SH3BP2: variants seen among roughly 807,000 people sequenced by gnomAD.
SH3BP2 encodes SH3 domain binding protein 2, also known as SH3 domain-binding protein 2.
In SH3BP2, 38 loss-of-function variants were observed where a neutral mutation model predicts 56.2. The ratio of observed to expected loss-of-function variants is 0.68; its 90% CI spans 0.52 to 0.89. The LOEUF is 0.89. Among genes scored for constraint, SH3BP2 ranks in the 40% least tolerant of loss-of-function variants. The pLI is 0.00. For missense variants in SH3BP2, 748 were observed against 762.6 expected, an observed-to-expected ratio of 0.98 and a Z score of 0.23; for synonymous variants, 346 against 316.7, an observed-to-expected ratio of 1.09 and a Z score of -0.98.
intron 1 of SH3BP2, among the ~76,000 whole-genome samples, chr4:2,805,229 G>A (rs1723483105): frequency 6.6e-6 from 1 of 152,220 alleles, no homozygotes; most frequent in African/African-American, 2.4e-5. Flanking sequence ...CAGCAGCCAG[G>A]CTGGTGTGGG....
In SH3BP2 at chr4:2,833,875, G is replaced by T. The variant is rs1725138858; in HGVS notation, c.*41G>T. ...CTGCCAGGCCAAGGCAGTCACAGGG[G>T]CCCTGACCCCAGGCCACACAGACGG... On this transcript the variant is annotated 3_prime_UTR_variant, in exon 13 of 13. Coordinates refer to ENST00000503393, the MANE Select transcript of SH3BP2 (RefSeq NM_001122681.2). 1 of 1,531,958 alleles carries T rather than the reference G, an allele frequency of 6.5e-7. No homozygotes were observed. Among genetic ancestry groups the T allele is most frequent in the South Asian group, 1.2e-5 (1 of 83,826 alleles). 94.9% of individuals were successfully genotyped at this position (1,531,958 alleles called of 1,614,324 possible). A position where few individuals can be genotyped will look rare whatever the true frequency, so the allele number is the denominator to read the frequency against.
chr4:2,811,615 G>A (rs985327434), intron 1 of SH3BP2, among the ~76,000 whole-genome samples: 11 of 152,222 alleles, frequency 7.2e-5, no homozygotes, highest in South Asian at 2.1e-4. Context: ...GGCAGGGGCC[G>A]GTGAGTACGG....
At chr4:2,795,125 G>A (rs1380480311) in intron 1 of SH3BP2, among the ~76,000 whole-genome samples, 4 of 152,186 alleles carry the variant, frequency 2.6e-5, no homozygotes, top group Non-Finnish European at 5.9e-5. Flanking sequence ...GTGGTGACAT[G>A]TGCTTGGTAT....
chr4:2,798,169 G>A (rs969795471), intron 1 of SH3BP2, among the ~76,000 whole-genome samples: 2 of 152,132 alleles, frequency 1.3e-5, no homozygotes, highest in Admixed American at 6.5e-5. Context: ...TAGATAGGGA[G>A]GACCAAAGCC....
At chr4:2,818,675 G>C in intron 1 of SH3BP2, 1 of 998,946 alleles carries the variant, frequency 1.0e-6, no homozygotes, top group Non-Finnish European at 1.2e-6. Flanking sequence ...GCCGGGCGCG[G>C]TTGGGCGGGC....
intron 2 of SH3BP2, among the ~76,000 whole-genome samples, chr4:2,821,369 C>T (rs547773612): frequency 8.1e-4 from 124 of 152,294 alleles, no homozygotes; most frequent in Admixed American, 1.8e-3. Context: ...GGTTCCTGTA[C>T]GGGCACTGGT....
In SH3BP2 at chr4:2,810,558, C is replaced by A. The variant is rs752467003; in HGVS notation, c.-4-10056C>A. Among the ~76,000 whole-genome samples, 9 of 151,982 alleles carry A rather than the reference C, an allele frequency of 5.9e-5. No homozygotes were observed. Among genetic ancestry groups the A allele is most frequent in the Non-Finnish European group, 8.8e-5 (6 of 67,978 alleles). On this transcript the variant is annotated intron_variant, in intron 1 of 12. Coordinates refer to ENST00000503393, the MANE Select transcript of SH3BP2 (RefSeq NM_001122681.2). This position sits in a 1 kb window ranked among gnomAD's most constrained non-coding sequence, Gnocchi z 4.2. ...GCGCCGGCTGCCTCTGGGTTCTTAT[C>A]TTCATGGGTTGTCATCCCTGAAGCT... is the stretch of plus-strand genomic sequence containing the variant.
At chr4:2,812,433 C>A in intron 1 of SH3BP2, 1 of 1,550,284 alleles carries the variant, frequency 6.5e-7, no homozygotes, top group Non-Finnish European at 8.7e-7. Flanking sequence ...CGGCCCCGAG[C>A]AGGTCACGAG....
rs231396 is a variant in SH3BP2 at position 2,832,239 on chromosome 4, G to A, written c.1407-92G>A. 478,487 of 1,180,528 alleles carry A rather than the reference G, an allele frequency of 0.41. 101,127 individuals are homozygous for A. The highest frequency in any genetic ancestry group is 0.49 in the Admixed American group (29,015 of 59,386). The allele number at this position is 1,180,528 out of a possible 1,614,324, so 73.1% of individuals were successfully genotyped here. ...CTCCTGAGACCTACAACAGCGAGAG[G>A]ACAGAAAGCCAGGCTTGGGAGCGGG... On this transcript the variant is annotated intron_variant, in intron 10 of 12. Coordinates refer to ENST00000503393, the MANE Select transcript of SH3BP2 (RefSeq NM_001122681.2).
At chr4:2,823,117 C>A (rs1724399703) in intron 3 of SH3BP2, 80 bp downstream of exon 3, 3 of 1,021,154 alleles carry the variant, frequency 2.9e-6, no homozygotes, top group Non-Finnish European at 3.1e-6. Flanking sequence ...CTGGGCCTGC[C>A]CCTTATTCCC....
chr4:2,832,233 C>T (rs547068262), intron 10 of SH3BP2, 98 bp from the exon 11 acceptor site: 53 of 1,155,480 alleles, frequency 4.6e-5, no homozygotes, highest in African/African-American at 1.2e-4. Context: ...CCTACAACAG[C>T]GAGAGGACAG....
In SH3BP2 at chr4:2,830,143, C is replaced by G. The variant is rs1474870433; in HGVS notation, c.1237C>G (p.Leu413Val). ...GCCAGAGAAGCCGCAGCTCCCGCAC[C>G]TCCAGTGAGTTTGTGTGGCGGCTGC... Reference protein sequence around the residue: ...PRPEKPQLPHLQRSPPDGQSF... With the variant: ...PRPEKPQLPHVQRSPPDGQSF... Residue 413 changes from leucine (L) to valine (V), a missense_variant, in exon 8 of 13, where the codon CTC becomes GTC. By Grantham distance (32) the Leu-to-Val change is conservative. Around this residue, in one of 3 missense-constraint regions of SH3BP2, gnomAD observed 635 missense variants for 615.0 expected, o/e 1.03. Coordinates refer to ENST00000503393, the MANE Select transcript of SH3BP2 (RefSeq NM_001122681.2). The G allele has an allele frequency of 1.3e-6, 2 of 1,599,928 alleles. No individual in the cohort carries two copies. Among genetic ancestry groups the G allele is most frequent in the Non-Finnish European group, 1.7e-6 (2 of 1,179,296 alleles).
chr4:2,797,135 G>A (rs1346775955), intron 1 of SH3BP2, among the ~76,000 whole-genome samples: 2 of 152,156 alleles, frequency 1.3e-5, no homozygotes, highest in Admixed American at 1.3e-4. Context: ...TGGCATTTGA[G>A]GGTCCTGGGT....
chr4:2,813,181 G>GCAGGGCAGC (rs1723838741), intron 1 of SH3BP2, among the ~76,000 whole-genome samples: 1 of 152,238 alleles, frequency 6.6e-6, no homozygotes, highest in African/African-American at 2.4e-5. Context: ...CTGTGGGGAG[G>GCAGGGCAGC]CAGGGCAGCC....
chr4:2,804,632 C>T (rs1279266410), intron 1 of SH3BP2, among the ~76,000 whole-genome samples: 1 of 152,216 alleles, frequency 6.6e-6, no homozygotes, highest in Non-Finnish European at 1.5e-5. Flanking sequence ...CTACCCAGAG[C>T]CCTGCCCCCT....
chr4:2,799,155 G>A, intron 1 of SH3BP2: 1 of 985,640 alleles, frequency 1.0e-6, no homozygotes, highest in Non-Finnish European at 1.2e-6. Flanking sequence ...CTGGCTGCCT[G>A]TCCCCACAGG....
chr4:2,832,637 C>T (rs1044079883), intron 11 of SH3BP2, among the ~76,000 whole-genome samples: 17 of 152,270 alleles, frequency 1.1e-4, no homozygotes, highest in Non-Finnish European at 1.5e-4. Flanking sequence ...GGCCAGGACT[C>T]GGGTGGGGTA....
intron 1 of SH3BP2, among the ~76,000 whole-genome samples, chr4:2,807,933 G>A (rs1181702954): frequency 2.0e-5 from 3 of 152,124 alleles, no homozygotes; most frequent in Non-Finnish European, 4.4e-5. Flanking sequence ...GCCCAGGTTG[G>A]TCACAGCCTT....
At chr4:2,821,473 G>A (rs1281537577) in intron 2 of SH3BP2, among the ~76,000 whole-genome samples, 2 of 152,220 alleles carry the variant, frequency 1.3e-5, no homozygotes, top group Non-Finnish European at 2.9e-5. Flanking sequence ...AGTGGAGCTA[G>A]GGTGGTTTCA....
Sources: allele counts gnomAD v4.1 joint callset (sites outside exome capture counted in the v4.1 genomes callset), GRCh38; gene constraint gnomAD v4.1.1; regional missense constraint gnomAD v4.1.1; non-coding constraint Gnocchi (gnomAD v3.1); transcripts MANE v1.5; gene names NCBI Gene and HGNC (gene_info 2026-07-23, HGNC 2026-07-21).